Variants in ARHGAP15 observed in about 807,000 individuals in gnomAD.
The protein encoded by ARHGAP15 is Rho GTPase activating protein 15.
A neutral mutation model predicts 63.7 loss-of-function variants in ARHGAP15; 51 were observed. The ratio of observed to expected loss-of-function variants is 0.80; its 90% CI spans 0.64 to 1.01. The LOEUF is 1.01. Among genes scored for constraint, ARHGAP15 ranks in the 50% least tolerant of loss-of-function variants. The probability of loss-of-function intolerance (pLI) is 0.00; values close to 1 mark genes in which losing one functional copy is unlikely to be tolerated. For synonymous variants in ARHGAP15, 191 were observed against 193.8 expected (o/e 0.99, Z 0.12); for missense variants, 560 against 564.6 (o/e 0.99, Z 0.08).
intron 11 of ARHGAP15, among the ~76,000 whole-genome samples, chr2:143,618,874 G>A (rs185423931): frequency 1.7e-4 from 26 of 151,414 alleles, no homozygotes; most frequent in East Asian, 5.8e-4. Context: ...CTCCGTCACC[G>A]AGGCGGATGG....
intron 10 of ARHGAP15, among the ~76,000 whole-genome samples, chr2:143,551,171 G>A (rs1695546315): frequency 6.6e-6 from 1 of 152,118 alleles, no homozygotes. Flanking sequence ...TTCTTTTCGA[G>A]ACAGGGCCTC....
At chr2:143,709,207 T>C (rs1025261845) in intron 13 of ARHGAP15, among the ~76,000 whole-genome samples, 2 of 152,226 alleles carry the variant, frequency 1.3e-5, no homozygotes, top group African/African-American at 4.8e-5. Flanking sequence ...TGACCAGATT[T>C]CCTTTGTGGC....
chr2:143,603,670 T>C (rs952104869), intron 11 of ARHGAP15, among the ~76,000 whole-genome samples: 2 of 152,196 alleles, frequency 1.3e-5, no homozygotes, highest in Non-Finnish European at 2.9e-5. Context: ...TTAAAGCTGT[T>C]GAAGTTGAAG....
chr2:143,616,284 G>A (rs1356486272), intron 11 of ARHGAP15, among the ~76,000 whole-genome samples: 6 of 152,118 alleles, frequency 3.9e-5, no homozygotes, highest in South Asian at 2.1e-4. Flanking sequence ...CACCTGCTTC[G>A]CAAGTTTCAG....
At chr2:143,729,133 C>T (rs1685419998) in intron 13 of ARHGAP15, among the ~76,000 whole-genome samples, 1 of 152,162 alleles carries the variant, frequency 6.6e-6, no homozygotes, top group Non-Finnish European at 1.5e-5. Flanking sequence ...GCTCACATAC[C>T]TGAGAAAAGA....
At chr2:143,328,649 G>C (rs11673797) in intron 6 of ARHGAP15, among the ~76,000 whole-genome samples, 10,510 of 152,116 alleles carry the variant, frequency 0.069, 485 homozygotes, top group Non-Finnish European at 0.11. Flanking sequence ...CGAGTTGATG[G>C]GTGCAGCAAA....
Position 143,411,212 on chromosome 2 carries a change from AAAG to A in ARHGAP15, c.475-24383_475-24381del, listed in dbSNP as rs1405827965. ...AGAGCGAGACTATCTCAAAAAAACA[AAAG>A]AAGAAAGAAAATATAGTAGGAAAGG... On this transcript the variant is annotated intron_variant, in intron 6 of 13. Coordinates refer to ENST00000295095, the MANE Select transcript of ARHGAP15 (RefSeq NM_018460.4). 7.1e-5 allele frequency among the ~76,000 whole-genome samples: 10 copies of A among 140,036 alleles called. No homozygotes were observed. In the South Asian group the frequency reaches 1.7e-3, roughly 24 times the overall value. 91.9% of individuals were successfully genotyped at this position (140,036 alleles called of 152,430 possible).
At chr2:143,294,389 C>A (rs1682542058) in intron 6 of ARHGAP15, among the ~76,000 whole-genome samples, 1 of 152,078 alleles carries the variant, frequency 6.6e-6, no homozygotes, top group Non-Finnish European at 1.5e-5. Flanking sequence ...GCTGCTGTAA[C>A]AAAGCCCAAA....
chr2:143,739,460 G>A (rs1255650561), intron 13 of ARHGAP15, among the ~76,000 whole-genome samples: 1 of 152,102 alleles, frequency 6.6e-6, no homozygotes, highest in Non-Finnish European at 1.5e-5. Flanking sequence ...TAAGAAACTT[G>A]AGTGCAGCTG....
At chr2:143,458,043 G>A (rs950205432) in intron 8 of ARHGAP15, among the ~76,000 whole-genome samples, 1 of 151,996 alleles carries the variant, frequency 6.6e-6, no homozygotes, top group African/African-American at 2.4e-5. Flanking sequence ...TATTTGGAAA[G>A]TAGTCTCTTA....
chr2:143,726,116 C>T (rs949221840), intron 13 of ARHGAP15, among the ~76,000 whole-genome samples: 2 of 152,150 alleles, frequency 1.3e-5, no homozygotes, highest in Non-Finnish European at 2.9e-5. Context: ...GGATCCATTT[C>T]GCATTGTGGT....
Position 143,765,170 on chromosome 2 carries a change from C to T in ARHGAP15, c.1245-2819C>T, listed in dbSNP as rs1485591450. ...GTGGTAAAATTAATGAAGGAGTTCCCATCATAAAAAGGTATTAATTTAAAA... is the reference window on the plus strand; with the variant it reads ...GTGGTAAAATTAATGAAGGAGTTCCTATCATAAAAAGGTATTAATTTAAAA... On this transcript the variant is annotated intron_variant, in intron 13 of 13. Transcript: ENST00000295095. 2.0e-5 allele frequency among the ~76,000 whole-genome samples: 3 copies of T among 149,608 alleles called. No homozygotes were observed. The East Asian group carries it at 5.9e-4, about 29-fold the overall frequency.
intron 12 of ARHGAP15, among the ~76,000 whole-genome samples, chr2:143,691,668 C>G (rs534993279): frequency 2.0e-5 from 3 of 152,304 alleles, no homozygotes; most frequent in Admixed American, 2.0e-4. Flanking sequence ...GTTGCATCTT[C>G]ATTGTCTTAA....
chr2:143,159,902 T>C (rs942866123), intron 2 of ARHGAP15, among the ~76,000 whole-genome samples: 12 of 152,052 alleles, frequency 7.9e-5, no homozygotes, highest in African/African-American at 2.6e-4. Context: ...TGCATAAAGA[T>C]TATTAAAGCT....
chr2:143,214,373 GA>G (rs948696695), intron 3 of ARHGAP15, among the ~76,000 whole-genome samples: 3 of 152,126 alleles, frequency 2.0e-5, no homozygotes, highest in African/African-American at 7.2e-5. Context: ...AATTGCTATT[GA>G]AAACATCTTT....
chr2:143,396,916 A>C (rs926030145), intron 6 of ARHGAP15, among the ~76,000 whole-genome samples: 1 of 152,156 alleles, frequency 6.6e-6, no homozygotes, highest in East Asian at 1.9e-4. Flanking sequence ...AATATTTCTA[A>C]CCTGCAACAG....
chr2:143,348,617 A>T (rs1336341193), intron 6 of ARHGAP15, among the ~76,000 whole-genome samples: 2 of 152,164 alleles, frequency 1.3e-5, no homozygotes, highest in Non-Finnish European at 2.9e-5. Context: ...CGTTGCTAAA[A>T]GTGGTAAAGG....
chr2:143,762,527 G>C (rs1011483801), intron 13 of ARHGAP15, among the ~76,000 whole-genome samples: 10 of 152,154 alleles, frequency 6.6e-5, no homozygotes, highest in Non-Finnish European at 4.4e-5. Context: ...TGTGAAGCCA[G>C]GGTGGCATAG....
intron 6 of ARHGAP15, among the ~76,000 whole-genome samples, chr2:143,384,698 T>G (rs1317159854): frequency 6.6e-6 from 1 of 152,200 alleles, no homozygotes; most frequent in Admixed American, 6.6e-5. Context: ...ATCACCCATA[T>G]TTGAAGTGTC....
Sources: allele counts gnomAD v4.1 joint callset (sites outside exome capture counted in the v4.1 genomes callset), GRCh38; gene constraint gnomAD v4.1.1; transcripts MANE v1.5; gene names NCBI Gene and HGNC (gene_info 2026-07-23, HGNC 2026-07-21).